CUL4A: variants seen among roughly 807,000 people sequenced by gnomAD.
CUL4A encodes cullin 4A.
In CUL4A, 16 loss-of-function variants were observed where a neutral mutation model predicts 95.5. The observed-to-expected ratio is 0.17, with a 90% confidence interval of 0.11 to 0.25. CUL4A has a LOEUF of 0.25. CUL4A is among the 10% of genes least tolerant of loss of function. The probability of loss-of-function intolerance (pLI) is 1.00; values close to 1 mark genes in which losing one functional copy is unlikely to be tolerated. For missense variants in CUL4A, 610 were observed against 937.0 expected, an observed-to-expected ratio of 0.65 and a Z score of 4.56; for synonymous variants, 380 against 353.1, an observed-to-expected ratio of 1.08 and a Z score of -0.85.
chr13:113,254,428 C>T (rs915861337), intron 16 of CUL4A, among the ~76,000 whole-genome samples: 1 of 152,096 alleles, frequency 6.6e-6, no homozygotes, highest in Non-Finnish European at 1.5e-5. Flanking sequence ...GGAACTCCAT[C>T]TCTACTAAAA....
intron 5 of CUL4A, among the ~76,000 whole-genome samples, chr13:113,232,783 T>C (rs1316518775): frequency 6.6e-6 from 1 of 152,124 alleles, no homozygotes; most frequent in Non-Finnish European, 1.5e-5. Flanking sequence ...GAGTGTACCC[T>C]GAGGGCTGTT....
intron 5 of CUL4A, among the ~76,000 whole-genome samples, chr13:113,232,139 CCCACCACCATTACTGCTGCCACCA>C (rs2041354463): frequency 2.1e-5 from 3 of 144,478 alleles, no homozygotes; most frequent in African/African-American, 8.5e-5. Context: ...CCACTACCCG[CCCACCACCATTACTGCTGCCACCA>C]CTACCCGCCC....
rs775700887 is a variant in CUL4A at position 113,254,972 on chromosome 13, A to G, written c.1878A>G (p.Arg626=). 6.2e-7 allele frequency: 1 copy of G among 1,613,172 alleles called. No homozygotes were observed. Among genetic ancestry groups the G allele is most frequent in the Non-Finnish European group, 8.5e-7 (1 of 1,179,564 alleles). ...ATTCAGAGGATAGTGAATTGCGCAG[A>G]ACGCTGCAGTCCCTGGCCTGTGGCA... ...ATGIEDSELR[R]TLQSLACGKA... is the part of the protein sequence containing the mutation. Residue 626 remains arginine, a synonymous_variant, in exon 18 of 20, where the codon AGA becomes AGG. Coordinates refer to ENST00000375440, the MANE Select transcript of CUL4A (RefSeq NM_001008895.4).
At chr13:113,223,500 C>T (rs778586223) in intron 3 of CUL4A, among the ~76,000 whole-genome samples, 1 of 152,150 alleles carries the variant, frequency 6.6e-6, no homozygotes, top group Non-Finnish European at 1.5e-5. Context: ...TGGGTTCAAG[C>T]GATTCTCTTG....
chr13:113,221,718 C>T (rs964780456), intron 3 of CUL4A, among the ~76,000 whole-genome samples: 1 of 152,280 alleles, frequency 6.6e-6, no homozygotes, highest in South Asian at 2.1e-4. Flanking sequence ...GCTGGGATTA[C>T]AGGCGCCCAC....
upstream of CUL4A, chr13:113,208,514 G>A: frequency 2.6e-6 from 4 of 1,557,784 alleles, no homozygotes. Flanking sequence ...GAAAGGAAAA[G>A]GCCTGAGGGT....
rs1479138861 is a variant in CUL4A at position 113,256,108 on chromosome 13, T to C, written c.2031+983T>C. On this transcript the variant is annotated intron_variant, in intron 18 of 19. Transcript: ENST00000375440. Reference sequence around the variant, plus strand: ...TCAGCTACTCGGGAGGGTCGCTTGATCCCGGGAGTTTGAGGCCAGCCTGAG... The same window carrying C: ...TCAGCTACTCGGGAGGGTCGCTTGACCCCGGGAGTTTGAGGCCAGCCTGAG... 4.6e-5 allele frequency among the ~76,000 whole-genome samples: 7 copies of C among 152,126 alleles called. No homozygotes were observed. In the East Asian group the frequency reaches 5.8e-4, roughly 13 times the overall value.
chr13:113,224,930 C>T (rs1049600565), intron 3 of CUL4A, among the ~76,000 whole-genome samples: 1 of 152,210 alleles, frequency 6.6e-6, no homozygotes, highest in African/African-American at 2.4e-5. Context: ...TCGGTACAGG[C>T]AGCAGATGGG....
At chr13:113,219,327 A>G in intron 3 of CUL4A, 1 of 296,908 alleles carries the variant, frequency 3.4e-6, no homozygotes, top group Non-Finnish European at 6.3e-6. Flanking sequence ...TCTAATAAAC[A>G]CCATCTGCAT....
upstream of CUL4A, chr13:113,209,041 A>T: frequency 3.4e-6 from 1 of 291,384 alleles, no homozygotes; most frequent in Non-Finnish European, 4.9e-6. Context: ...GCGCCCGAGG[A>T]GGGGGAGGGG....
At position 113,240,964 on chromosome 13, in the gene CUL4A, A is replaced by C. The variant is rs551632169; in HGVS notation, c.1035+1413A>C. On this transcript the variant is annotated intron_variant, in intron 10 of 19. Transcript: ENST00000375440. ...GCTTTGCTATTTTTACTATTATGCA[A>C]ATCTGTCATTATCTGAATAAAGATT... Among the ~76,000 whole-genome samples, 21 of 152,332 alleles carry C rather than the reference A, an allele frequency of 1.4e-4. No homozygotes were observed. In the East Asian group the frequency reaches 3.9e-3, roughly 28 times the overall value.
intron 2 of CUL4A, among the ~76,000 whole-genome samples, chr13:113,216,287 G>A (rs1311291065): frequency 2.0e-5 from 3 of 152,194 alleles, no homozygotes; most frequent in African/African-American, 4.8e-5. Context: ...GCCCTTATCC[G>A]CAGTGAGCAT....
intron 3 of CUL4A, among the ~76,000 whole-genome samples, chr13:113,221,261 C>G (rs2040886520): frequency 6.6e-6 from 1 of 152,206 alleles, no homozygotes. Flanking sequence ...AGACTTCAGT[C>G]TGTGAGTATC....
chr13:113,236,429 C>A (rs891459067), intron 8 of CUL4A, among the ~76,000 whole-genome samples: 9 of 152,314 alleles, frequency 5.9e-5, no homozygotes, highest in African/African-American at 2.2e-4. Flanking sequence ...TTCCCTGAGC[C>A]CTTTCTGCCT....
intron 17 of CUL4A, 64 bp downstream of exon 17, chr13:113,254,862 T>A: frequency 6.3e-7 from 1 of 1,592,866 alleles, no homozygotes; most frequent in South Asian, 1.1e-5. Flanking sequence ...TGTTTTAAGA[T>A]AAGACATAGA....
intron 3 of CUL4A, among the ~76,000 whole-genome samples, chr13:113,223,667 G>A (rs2139135545): frequency 6.6e-6 from 1 of 152,328 alleles, no homozygotes; most frequent in South Asian, 2.1e-4. Context: ...AAAGTGTTGG[G>A]ATTACAGGCG....
At chr13:113,236,480 C>G (rs1374654282) in intron 8 of CUL4A, among the ~76,000 whole-genome samples, 1 of 152,188 alleles carries the variant, frequency 6.6e-6, no homozygotes, top group Non-Finnish European at 1.5e-5. Flanking sequence ...CTGCCCTTCT[C>G]CGTAAGATGG....
At chr13:113,237,220 G>C (rs941317582) in intron 9 of CUL4A, among the ~76,000 whole-genome samples, 1 of 152,154 alleles carries the variant, frequency 6.6e-6, no homozygotes, top group African/African-American at 2.4e-5. Flanking sequence ...TCCTGTGTCC[G>C]GCCGTTCTTC....
At position 113,263,883 on chromosome 13, in the gene CUL4A, C is replaced by CT. The variant is rs2042352026; in HGVS notation, c.*303dup. On this transcript the variant is annotated 3_prime_UTR_variant, in exon 20 of 20. Transcript: ENST00000375440. ...CTAAAGAGAAGTTCCTTTAAAAGGTCTTGTTCTTGTGTCAAAAAGCTGCAA... is the reference window on the plus strand; with the variant it reads ...CTAAAGAGAAGTTCCTTTAAAAGGTCTTTGTTCTTGTGTCAAAAAGCTGCAA... 4 of 232,212 alleles carry CT rather than the reference C, an allele frequency of 1.7e-5. No homozygotes were observed. The highest frequency in any genetic ancestry group is 3.3e-5 in the Non-Finnish European group (4 of 121,030). The allele number at this position is 232,212 out of a possible 1,614,324, so 14.4% of individuals were successfully genotyped here.
Sources: gnomAD v4.1 joint callset for allele counts (sites outside exome capture counted in the v4.1 genomes callset) on GRCh38, gnomAD v4.1.1 for gene constraint, MANE v1.5 for transcripts, NCBI Gene and HGNC (gene_info 2026-07-23, HGNC 2026-07-21) for gene names.